EXOC2: variants seen among roughly 807,000 people sequenced by gnomAD.
EXOC2 encodes exocyst complex component 2, also known as SEC5-like 1.
In EXOC2, 70 loss-of-function variants were observed where a neutral mutation model predicts 131.8. The observed-to-expected ratio is 0.53, with a 90% CI of 0.44 to 0.65. The LOEUF (loss-of-function observed/expected upper bound fraction) is 0.65. Among genes scored for constraint, EXOC2 ranks in the 30% least tolerant of loss-of-function variants. The pLI is 0.00. For missense variants in EXOC2, 923 were observed against 1,108.6 expected (o/e 0.83, Z 2.38); for synonymous variants, 411 against 398.4 (o/e 1.03, Z -0.38).
chr6:604,527 C>T (rs1760289056), intron 7 of EXOC2, among the ~76,000 whole-genome samples: 1 of 152,178 alleles, frequency 6.6e-6, no homozygotes, highest in South Asian at 2.1e-4. Flanking sequence ...TCCTATCGTT[C>T]TGTTAAACTT....
intron 11 of EXOC2, among the ~76,000 whole-genome samples, chr6:586,626 A>C (rs953735940): frequency 1.3e-5 from 2 of 152,234 alleles, no homozygotes; most frequent in Non-Finnish European, 2.9e-5. Flanking sequence ...TTCCCTTACC[A>C]GGGGAACGCT....
chr6:573,596 C>G (rs979667765), intron 12 of EXOC2, among the ~76,000 whole-genome samples: 10 of 151,990 alleles, frequency 6.6e-5, no homozygotes, highest in African/African-American at 9.7e-5. Flanking sequence ...CCAAATACCC[C>G]CAAGCAAAAG....
chr6:527,114 T>G (rs749093302), intron 23 of EXOC2, among the ~76,000 whole-genome samples: 17 of 152,256 alleles, frequency 1.1e-4, no homozygotes, highest in Non-Finnish European at 2.2e-4. Flanking sequence ...ACATACAACT[T>G]ATTTTATAAG....
intron 1 of EXOC2, among the ~76,000 whole-genome samples, chr6:687,961 A>C (rs1288844567): frequency 6.6e-6 from 1 of 152,206 alleles, no homozygotes; most frequent in Non-Finnish European, 1.5e-5. Flanking sequence ...GGAAGGCTTT[A>C]GTAAGACATG....
At chr6:518,549 T>C (rs532568531) in intron 23 of EXOC2, among the ~76,000 whole-genome samples, 19 of 152,238 alleles carry the variant, frequency 1.2e-4, no homozygotes, top group Non-Finnish European at 1.9e-4. Flanking sequence ...ACGGGTCATC[T>C]TGAAGTTAAT....
At chr6:579,480 G>A (rs560818711) in intron 11 of EXOC2, among the ~76,000 whole-genome samples, 64 of 152,200 alleles carry the variant, frequency 4.2e-4, no homozygotes, top group African/African-American at 1.3e-3. Flanking sequence ...ATGCCCCTCC[G>A]GACTATCAGC....
At chr6:658,667 T>TATATATATATATATA in intron 1 of EXOC2, among the ~76,000 whole-genome samples, 1 of 65,198 alleles carries the variant, frequency 1.5e-5, no homozygotes, top group African/African-American at 5.0e-5. Context: ...ATATATATAT[T>TATATATATATATATA]TTTTTTTTTT....
chr6:680,395 A>G lies in EXOC2; in HGVS notation c.-44+12624T>C, dbSNP rs114234579. Reference sequence around the variant, plus strand: ...GGCCTATGCTTATATGAATACAGAGAAAGGGCTAGAAGGATGCACACCAGG... The same window carrying G: ...GGCCTATGCTTATATGAATACAGAGGAAGGGCTAGAAGGATGCACACCAGG... On this transcript the variant is annotated intron_variant, in intron 1 of 27. Transcript: ENST00000230449. Among the ~76,000 whole-genome samples the G allele has an allele frequency of 5.6e-3, 853 of 152,370 alleles. 8 individuals are homozygous for G. The highest frequency in any genetic ancestry group is 8.9e-3 in the Non-Finnish European group (606 of 68,036).
chr6:633,395 A>G (rs1303448203), intron 2 of EXOC2, among the ~76,000 whole-genome samples: 1 of 152,240 alleles, frequency 6.6e-6, no homozygotes, highest in South Asian at 2.1e-4. Flanking sequence ...GGAATTCCAG[A>G]TTACTTAGAT....
At chr6:644,731 A>T (rs1163171114) in intron 1 of EXOC2, among the ~76,000 whole-genome samples, 2 of 152,142 alleles carry the variant, frequency 1.3e-5, no homozygotes, top group Non-Finnish European at 2.9e-5. Context: ...AAATTTTTTA[A>T]ATTTTGAAAA....
At chr6:573,147 T>G (rs951382543) in intron 12 of EXOC2, among the ~76,000 whole-genome samples, 3 of 152,222 alleles carry the variant, frequency 2.0e-5, no homozygotes, top group Non-Finnish European at 4.4e-5. Flanking sequence ...AACATTCTAG[T>G]GCAATCACAT....
Position 570,703 on chromosome 6 carries a change from T to C in EXOC2, c.1443+1817A>G, listed in dbSNP as rs182754083. ...TCATTGAATTCTCAAACCAGTCCTA[T>C]GGAAGCAGGTGCAGAGAAGTAATTT... On this transcript the variant is annotated intron_variant, in intron 13 of 27. Transcript: ENST00000230449. Among the ~76,000 whole-genome samples, 22 of 152,326 alleles carry C rather than the reference T, an allele frequency of 1.4e-4. No individual in the cohort carries two copies. The East Asian group carries it at 4.0e-3, about 28-fold the overall frequency.
In EXOC2 at chr6:656,816, GGGGCCGAAGCACAGGCT is replaced by G. The variant is rs528790996; in HGVS notation, c.-43-18972_-43-18956del. ...CCTCGTGGAGGCCGCCGGAACCCGCGGGGCCGAAGCACAGGCTGTCAGGGCGCACGCGGAGCACGCAG... is the reference window on the plus strand; with the variant it reads ...CCTCGTGGAGGCCGCCGGAACCCGCGGTCAGGGCGCACGCGGAGCACGCAG... On this transcript the variant is annotated intron_variant, in intron 1 of 27. Coordinates refer to ENST00000230449, the MANE Select transcript of EXOC2 (RefSeq NM_018303.6). The G allele has an allele frequency of 4.5e-5, 72 of 1,609,260 alleles. No individual in the cohort carries two copies. In the Admixed American group the frequency reaches 9.2e-4, roughly 21 times the overall value.
At chr6:599,282 T>C (rs1581526108) in intron 7 of EXOC2, 57 bp from the exon 8 acceptor site, 1 of 1,476,680 alleles carries the variant, frequency 6.8e-7, no homozygotes, top group Non-Finnish European at 9.1e-7. Context: ...TCAGAAAATG[T>C]GTAACTGGGC....
chr6:548,567 C>G (rs1473206807), intron 22 of EXOC2, among the ~76,000 whole-genome samples: 1 of 152,208 alleles, frequency 6.6e-6, no homozygotes, highest in Non-Finnish European at 1.5e-5. Context: ...TTCTACTGGA[C>G]TCCCTTTTGC....
intron 1 of EXOC2, among the ~76,000 whole-genome samples, chr6:641,864 AC>A (rs1762368635): frequency 8.9e-6 from 1 of 112,756 alleles, no homozygotes; most frequent in Non-Finnish European, 2.0e-5. Flanking sequence ...ACTGCAATCC[AC>A]CCTCAGCAAA....
rs1199837799 is a variant in EXOC2, at chr6:485,363, A to G, written c.*1308T>C. Reference sequence around the variant, plus strand: ...CAGTTACCATGATGTCCCCCCATACACCAAATGAACCAACACATTTATTTA... The same window carrying G: ...CAGTTACCATGATGTCCCCCCATACGCCAAATGAACCAACACATTTATTTA... On this transcript the variant is annotated 3_prime_UTR_variant, in exon 28 of 28. Transcript: ENST00000230449. 3 of 152,210 alleles carry G rather than the reference A, an allele frequency of 2.0e-5. No individual in the cohort carries two copies. The highest frequency in any genetic ancestry group is 4.4e-5 in the Non-Finnish European group (3 of 68,038). The allele number at this position is 152,210 out of a possible 1,614,324, so 9.4% of individuals were successfully genotyped here. A position where few individuals can be genotyped will look rare whatever the true frequency, so the allele number is the denominator to read the frequency against.
chr6:555,437 A>G (rs1318201339), intron 19 of EXOC2, 149 bp from the exon 20 acceptor site: 2 of 467,618 alleles, frequency 4.3e-6, no homozygotes, highest in Non-Finnish European at 7.7e-6. Flanking sequence ...ATGTGTATAT[A>G]CTGTATATGC....
intron 23 of EXOC2, among the ~76,000 whole-genome samples, chr6:516,129 C>T (rs1487331068): frequency 6.6e-6 from 1 of 152,184 alleles, no homozygotes; most frequent in East Asian, 1.9e-4. Flanking sequence ...GTGCACTCCA[C>T]CCATCCAAAT....
Sources: gnomAD v4.1 joint callset for allele counts (sites outside exome capture counted in the v4.1 genomes callset) on GRCh38, gnomAD v4.1.1 for gene constraint, MANE v1.5 for transcripts, NCBI Gene and HGNC (gene_info 2026-07-23, HGNC 2026-07-21) for gene names.